The following SLC7A14 variants were observed in gnomAD, a reference collection of about 807,000 sequenced individuals.
The protein encoded by SLC7A14 is solute carrier family 7 member 14.
A neutral mutation model predicts 60.2 loss-of-function variants in SLC7A14; 37 were observed. The ratio of observed to expected loss-of-function variants is 0.61; its 90% CI spans 0.47 to 0.81. The LOEUF is 0.81. SLC7A14 is among the 30% of genes least tolerant of loss of function. SLC7A14 has a pLI of 0.00. For missense variants in SLC7A14, 886 were observed against 982.7 expected, an observed-to-expected ratio of 0.90 and a Z score of 1.32; for synonymous variants, 399 against 395.8, an observed-to-expected ratio of 1.01 and a Z score of -0.10.
chr3:170,527,464 C>G (rs1327245187), intron 1 of SLC7A14, among the ~76,000 whole-genome samples: 2 of 152,154 alleles, frequency 1.3e-5, no homozygotes, highest in Non-Finnish European at 2.9e-5. Flanking sequence ...TAAGAAAATG[C>G]CTGGCGTATG....
chr3:170,514,745 A>G (rs774193282), intron 2 of SLC7A14, among the ~76,000 whole-genome samples: 3 of 152,172 alleles, frequency 2.0e-5, no homozygotes, highest in Non-Finnish European at 4.4e-5. Flanking sequence ...GAGCTTCAGC[A>G]TTGGAACCAG....
intron 1 of SLC7A14, among the ~76,000 whole-genome samples, chr3:170,584,648 G>GT (rs1216942191): frequency 6.6e-6 from 1 of 152,198 alleles, no homozygotes; most frequent in African/African-American, 2.4e-5. Context: ...TTCTAACGCA[G>GT]TTTCTGCTCG....
chr3:170,517,778 G>A (rs1713213991), intron 2 of SLC7A14, among the ~76,000 whole-genome samples: 2 of 152,208 alleles, frequency 1.3e-5, no homozygotes, highest in Admixed American at 6.5e-5. Flanking sequence ...ATTACCATGA[G>A]CTTGCCTGAT....
intron 4 of SLC7A14, among the ~76,000 whole-genome samples, chr3:170,494,958 A>T (rs1476894601): frequency 6.6e-6 from 1 of 152,222 alleles, no homozygotes; most frequent in Non-Finnish European, 1.5e-5. Flanking sequence ...CCAGCCCCAG[A>T]GCTGACTAAG....
intron 1 of SLC7A14, among the ~76,000 whole-genome samples, chr3:170,576,054 C>G (rs1715082232): frequency 6.6e-6 from 1 of 152,222 alleles, no homozygotes; most frequent in Non-Finnish European, 1.5e-5. Context: ...CAATAGCTTT[C>G]TCTCTCATTT....
rs548725339 is a variant in SLC7A14 at position 170,522,434 on chromosome 3, T to C, written c.304+4199A>G. 3.9e-5 allele frequency among the ~76,000 whole-genome samples: 6 copies of C among 152,310 alleles called. 1 individual carries two copies. Among genetic ancestry groups the C allele is most frequent in the Non-Finnish European group, 7.4e-5 (5 of 68,026 alleles). On this transcript the variant is annotated intron_variant, in intron 2 of 7. Coordinates refer to ENST00000231706, the MANE Select transcript of SLC7A14 (RefSeq NM_020949.3). ...GGATAAACAAATGGTAGTAGAGCCATACAATGGGATACTACTCAGCAAGAA... is the reference window on the plus strand; with the variant it reads ...GGATAAACAAATGGTAGTAGAGCCACACAATGGGATACTACTCAGCAAGAA...
chr3:170,494,886 G>A (rs1005483466), intron 4 of SLC7A14, among the ~76,000 whole-genome samples: 5 of 152,214 alleles, frequency 3.3e-5, no homozygotes, highest in African/African-American at 9.7e-5. Flanking sequence ...GAATGAGCGT[G>A]ATACACAAGG....
chr3:170,567,505 G>A (rs1714827910), intron 1 of SLC7A14, among the ~76,000 whole-genome samples: 1 of 151,882 alleles, frequency 6.6e-6, no homozygotes, highest in African/African-American at 2.4e-5. Context: ...ATGATTTATA[G>A]GCCTTTGGGT....
rs369721277 is a variant in SLC7A14, at chr3:170,501,106, C to T, written c.541+3G>A. On this transcript the variant is annotated splice_donor_region_variant and intron_variant, in intron 3 of 7. Coordinates refer to ENST00000231706, the MANE Select transcript of SLC7A14 (RefSeq NM_020949.3). ...TGAGGGTAGGAGGATGTGGCAGTCT[C>T]ACCCAGGCCATTGAGGGTTCCCACG... The T allele has an allele frequency of 5.3e-5, 85 of 1,613,920 alleles. No individual in the cohort carries two copies. Among genetic ancestry groups the T allele is most frequent in the Non-Finnish European group, 6.9e-5 (81 of 1,179,900 alleles).
rs572686921 is a variant in SLC7A14 at position 170,578,795 on chromosome 3, C to T, written c.-153+7116G>A. Among the ~76,000 whole-genome samples, 6 of 152,270 alleles carry T rather than the reference C, an allele frequency of 3.9e-5. No homozygotes were observed. In the South Asian group the frequency reaches 6.2e-4, roughly 16 times the overall value. Reference sequence around the variant, plus strand: ...ATTCAAGCTCTTGGCCCTATTTCATCGAACCATAGAATGTTATGGCTTGCA... The same window carrying T: ...ATTCAAGCTCTTGGCCCTATTTCATTGAACCATAGAATGTTATGGCTTGCA... On this transcript the variant is annotated intron_variant, in intron 1 of 7. Transcript: ENST00000231706.
intron 2 of SLC7A14, among the ~76,000 whole-genome samples, chr3:170,507,481 G>A (rs1712818997): frequency 1.3e-5 from 2 of 152,168 alleles, no homozygotes; most frequent in South Asian, 4.1e-4. Flanking sequence ...GACTGGGGGA[G>A]GGAGCCTTTT....
chr3:170,486,353 C>CTTCTTGCAGG lies in SLC7A14; in HGVS notation c.774_775insCCTGCAAGAA (p.Ala259ProfsTer14), dbSNP rs773587457. ...CCAATGAAAGCGTAGAAGCATGTTG[C>CTTCTTGCAGG]TGCTCCTTGCAGCACCTGTGTGGAT... On this transcript the variant is annotated frameshift_variant, in exon 5 of 8. Transcript: ENST00000231706. LOFTEE classifies it high-confidence loss of function. 6.2e-7 allele frequency: 1 copy of CTTCTTGCAGG among 1,614,230 alleles called. No homozygotes were observed.
chr3:170,540,150 G>A (rs758019591), intron 1 of SLC7A14, among the ~76,000 whole-genome samples: 4 of 152,132 alleles, frequency 2.6e-5, no homozygotes, highest in Non-Finnish European at 4.4e-5. Context: ...ATTTCATTAT[G>A]CTACTCAGAA....
chr3:170,566,653 C>T (rs1174190074), intron 1 of SLC7A14, among the ~76,000 whole-genome samples: 1 of 152,164 alleles, frequency 6.6e-6, no homozygotes, highest in East Asian at 1.9e-4. Flanking sequence ...CTGCCTGTGG[C>T]TTAAGGTCTA....
rs1713823796 is a variant in SLC7A14, at chr3:170,535,995, T to A, written c.-152-8907A>T. Among the ~76,000 whole-genome samples the A allele has an allele frequency of 6.6e-6, 1 of 152,166 alleles. No homozygotes were observed. The highest frequency in any genetic ancestry group is 1.5e-5 in the Non-Finnish European group (1 of 68,018). Reference sequence around the variant, plus strand: ...GGTATATTAGACGGCTGAGATAGATTCAGGAAATCAACAATACCCGCTGTG... The same window carrying A: ...GGTATATTAGACGGCTGAGATAGATACAGGAAATCAACAATACCCGCTGTG... On this transcript the variant is annotated intron_variant, in intron 1 of 7. Transcript: ENST00000231706. The surrounding 1 kb of genome is among the most constrained non-coding windows in gnomAD (Gnocchi z 4.3).
rs149094796 is a variant in SLC7A14 at position 170,504,918 on chromosome 3, T to A, written c.305-3573A>T. Among the ~76,000 whole-genome samples, 124 of 152,314 alleles carry A rather than the reference T, an allele frequency of 8.1e-4. 1 individual carries two copies. The highest frequency in any genetic ancestry group is 2.4e-3 in the Admixed American group (36 of 15,298). ...TTCTCATGATGATTGTGGGCACTTG[T>A]GGCATTAAGTGGACAGGGACCTGGG... On this transcript the variant is annotated intron_variant, in intron 2 of 7. Coordinates refer to ENST00000231706, the MANE Select transcript of SLC7A14 (RefSeq NM_020949.3).
chr3:170,490,626 T>C (rs1037585496), intron 4 of SLC7A14, among the ~76,000 whole-genome samples: 1 of 152,182 alleles, frequency 6.6e-6, no homozygotes, highest in Non-Finnish European at 1.5e-5. Context: ...TTGGAGTCAA[T>C]GTGATGTCCA....
At chr3:170,547,664 CAG>C (rs1264600629) in intron 1 of SLC7A14, among the ~76,000 whole-genome samples, 6 of 152,012 alleles carry the variant, frequency 3.9e-5, no homozygotes, top group Non-Finnish European at 7.4e-5. Context: ...CTTACTCTCT[CAG>C]GGGTAGCAAA....
At chr3:170,533,449 A>G (rs1466254958) in intron 1 of SLC7A14, among the ~76,000 whole-genome samples, 1 of 152,238 alleles carries the variant, frequency 6.6e-6, no homozygotes, top group Admixed American at 6.5e-5. Context: ...TTTGATAGCA[A>G]CTAACATATA....
Sources: gnomAD v4.1 joint callset for allele counts (sites outside exome capture counted in the v4.1 genomes callset) on GRCh38, gnomAD v4.1.1 for gene constraint, Gnocchi (gnomAD v3.1) non-coding constraint, MANE v1.5 for transcripts, NCBI Gene and HGNC (gene_info 2026-07-23, HGNC 2026-07-21) for gene names.